PCDH9: variants seen among roughly 807,000 people sequenced by gnomAD.
PCDH9 encodes protocadherin 9.
In PCDH9, 24 loss-of-function variants were observed where a neutral mutation model predicts 70.6. That is an observed-to-expected ratio of 0.34 (90% CI 0.25 to 0.48). The LOEUF is 0.48. Among genes scored for constraint, PCDH9 ranks in the 20% least tolerant of loss-of-function variants. PCDH9 has a pLI of 0.99. For missense variants in PCDH9, 1,281 were observed against 1,503.6 expected (o/e 0.85, Z 2.45); for synonymous variants, 562 against 558.5 (o/e 1.01, Z -0.09).
chr13:66,797,205 G>A (rs1235522810), intron 3 of PCDH9, among the ~76,000 whole-genome samples: 1 of 151,960 alleles, frequency 6.6e-6, no homozygotes, highest in South Asian at 2.1e-4. Flanking sequence ...TTTTTTTCTA[G>A]TATTCTAGAC....
At chr13:66,356,154 A>C (rs1956378145) in intron 4 of PCDH9, among the ~76,000 whole-genome samples, 1 of 152,126 alleles carries the variant, frequency 6.6e-6, no homozygotes, top group African/African-American at 2.4e-5. Context: ...TCAGAACAAA[A>C]AGTATTGGAG....
intron 3 of PCDH9, among the ~76,000 whole-genome samples, chr13:66,698,462 T>G (rs1366601893): frequency 1.3e-5 from 2 of 152,252 alleles, no homozygotes; most frequent in African/African-American, 4.8e-5. Flanking sequence ...TACTACTATT[T>G]GTTTCATATT....
intron 2 of PCDH9, among the ~76,000 whole-genome samples, chr13:66,929,291 CATT>C (rs894499222): frequency 6.6e-6 from 1 of 150,952 alleles, no homozygotes. Flanking sequence ...TAACTTGTGA[CATT>C]ATTTTTTTAT....
At chr13:66,521,360 G>T (rs545490376) in intron 4 of PCDH9, among the ~76,000 whole-genome samples, 1 of 151,920 alleles carries the variant, frequency 6.6e-6, no homozygotes, top group Admixed American at 6.6e-5. Context: ...CCATGATGAG[G>T]TCGGTAGTTT....
intron 2 of PCDH9, among the ~76,000 whole-genome samples, chr13:66,919,372 C>G (rs1395550184): frequency 6.6e-6 from 1 of 151,266 alleles, no homozygotes; most frequent in Non-Finnish European, 1.5e-5. Context: ...CCCTTGGCAT[C>G]TGAAGCAAAT....
intron 2 of PCDH9, among the ~76,000 whole-genome samples, chr13:67,101,505 T>C (rs934844968): frequency 9.2e-5 from 14 of 152,244 alleles, no homozygotes; most frequent in Non-Finnish European, 2.1e-4. Context: ...ACCTTCTAAA[T>C]ACATGTGGGT....
intron 4 of PCDH9, among the ~76,000 whole-genome samples, chr13:66,342,679 G>A (rs1185051712): frequency 1.3e-5 from 2 of 152,082 alleles, no homozygotes; most frequent in Non-Finnish European, 1.5e-5. Context: ...CTGAACTGCA[G>A]TGGCACAACA....
chr13:66,356,241 T>C (rs1956379997), intron 4 of PCDH9, among the ~76,000 whole-genome samples: 1 of 152,154 alleles, frequency 6.6e-6, no homozygotes, highest in Non-Finnish European at 1.5e-5. Context: ...TAAAATCATA[T>C]AAAATGGAAT....
chr13:66,664,938 CCT>C (rs1244100155), intron 3 of PCDH9, among the ~76,000 whole-genome samples: 1 of 152,044 alleles, frequency 6.6e-6, no homozygotes, highest in Non-Finnish European at 1.5e-5. Context: ...TAAAACAGAC[CCT>C]GTCCTGCTAG....
chr13:66,344,606 T>A (rs1199248835), intron 4 of PCDH9, among the ~76,000 whole-genome samples: 1 of 152,206 alleles, frequency 6.6e-6, no homozygotes, highest in East Asian at 1.9e-4. Flanking sequence ...TAGGGCAATA[T>A]GTTTCACTTT....
chr13:66,873,918 CTT>C (rs796944538), intron 3 of PCDH9, among the ~76,000 whole-genome samples: 117 of 130,120 alleles, frequency 9.0e-4, no homozygotes, highest in African/African-American at 2.6e-3. Flanking sequence ...CTTTTCGTTT[CTT>C]TTTTTTTTTT....
intron 4 of PCDH9, among the ~76,000 whole-genome samples, chr13:66,420,020 G>C (rs1336086569): frequency 3.3e-5 from 5 of 152,134 alleles, no homozygotes. Context: ...GGCTTGAGTA[G>C]GTGCTTTTCC....
intron 3 of PCDH9, among the ~76,000 whole-genome samples, chr13:66,650,460 G>A (rs1482550305): frequency 1.3e-5 from 2 of 151,892 alleles, no homozygotes; most frequent in Admixed American, 6.6e-5. Context: ...CAGCACTGGA[G>A]CACCCAGATT....
intron 2 of PCDH9, among the ~76,000 whole-genome samples, chr13:67,090,664 A>G (rs545376529): frequency 6.6e-6 from 1 of 152,150 alleles, no homozygotes; most frequent in South Asian, 2.1e-4. Flanking sequence ...AAGTTCTGAA[A>G]TGTTAAAGAA....
intron 3 of PCDH9, among the ~76,000 whole-genome samples, chr13:66,713,407 C>A (rs932541729): frequency 6.6e-6 from 1 of 151,418 alleles, no homozygotes; most frequent in Non-Finnish European, 1.5e-5. Flanking sequence ...TCCTAGCTAT[C>A]CCTCTTGGAT....
At chr13:67,110,096 CAAAG>C (rs2086624987) in intron 2 of PCDH9, among the ~76,000 whole-genome samples, 2 of 151,554 alleles carry the variant, frequency 1.3e-5, no homozygotes, top group South Asian at 2.1e-4. Flanking sequence ...AATAGACTGA[CAAAG>C]GAACATCTAA....
At chr13:67,140,030 C>G (rs1017159658) in intron 2 of PCDH9, among the ~76,000 whole-genome samples, 1 of 111,662 alleles carries the variant, frequency 9.0e-6, no homozygotes, top group Non-Finnish European at 1.8e-5. Context: ...TGATCACCCC[C>G]CCCCCCCCGC....
rs188486743 is a variant in PCDH9 at position 66,628,809 on chromosome 13, T to C, written c.3340+2401A>G. Among the ~76,000 whole-genome samples, 10 of 152,352 alleles carry C rather than the reference T, an allele frequency of 6.6e-5. No homozygotes were observed. The East Asian group carries it at 1.7e-3, about 26-fold the overall frequency. On this transcript the variant is annotated intron_variant, in intron 4 of 4. Coordinates refer to ENST00000377865, the MANE Select transcript of PCDH9 (RefSeq NM_203487.3). ...TATATTGCTGCTATGATAGTGAAGGTATATATAACATAATTTTGCAATTTT... is the reference window on the plus strand; with the variant it reads ...TATATTGCTGCTATGATAGTGAAGGCATATATAACATAATTTTGCAATTTT...
intron 2 of PCDH9, among the ~76,000 whole-genome samples, chr13:66,936,085 A>G (rs1210429229): frequency 6.6e-6 from 1 of 152,210 alleles, no homozygotes; most frequent in East Asian, 1.9e-4. Context: ...CTCTGTCTCA[A>G]AAAACAAAAC....
Sources: allele counts gnomAD v4.1 joint callset (sites outside exome capture counted in the v4.1 genomes callset), GRCh38; gene constraint gnomAD v4.1.1; transcripts MANE v1.5; gene names NCBI Gene and HGNC (gene_info 2026-07-23, HGNC 2026-07-21).